RARB: variants seen among roughly 807,000 people sequenced by gnomAD.
RARB encodes retinoic acid receptor beta.
RARB carries 17 observed loss-of-function variants against 51.9 expected under a neutral mutation model. The ratio of observed to expected loss-of-function variants is 0.33; its 90% CI spans 0.22 to 0.49. The LOEUF is 0.49. Among genes scored for constraint, RARB ranks in the 20% least tolerant of loss-of-function variants. The pLI is 0.99. For synonymous variants in RARB, 215 were observed against 195.4 expected (o/e 1.10, Z -0.84); for missense variants, 369 against 550.8 (o/e 0.67, Z 3.30).
chr3:25,486,261 G>A (rs752889507), intron 2 of RARB, among the ~76,000 whole-genome samples: 50 of 152,180 alleles, frequency 3.3e-4, no homozygotes, highest in Non-Finnish European at 5.1e-4. Context: ...AAGACACGTG[G>A]AAATCTCAAA....
At chr3:24,939,293 CTGTT>C (rs1272792150) in intron 2 of RARB, among the ~76,000 whole-genome samples, 2 of 152,202 alleles carry the variant, frequency 1.3e-5, no homozygotes, top group African/African-American at 2.4e-5. Context: ...TGTACAGTGA[CTGTT>C]TGAGTCCCTC....
intron 5 of RARB, among the ~76,000 whole-genome samples, chr3:25,283,044 C>T (rs1266412603): frequency 6.6e-6 from 1 of 152,148 alleles, no homozygotes; most frequent in East Asian, 1.9e-4. Flanking sequence ...GAGCAACTGG[C>T]CACGCAGAGT....
chr3:24,859,255 G>A (rs1702695554), intron 2 of RARB, among the ~76,000 whole-genome samples: 1 of 151,966 alleles, frequency 6.6e-6, no homozygotes, highest in African/African-American at 2.4e-5. Flanking sequence ...CTTGAAACAA[G>A]GTGGTTCTGG....
At chr3:25,411,795 C>A (rs1213217723) in intron 5 of RARB, among the ~76,000 whole-genome samples, 1 of 152,182 alleles carries the variant, frequency 6.6e-6, no homozygotes, top group Non-Finnish European at 1.5e-5. Context: ...GACAGTGACC[C>A]TTGGACGTCC....
At chr3:25,429,875 T>G (rs1052879922) in intron 1 of RARB, among the ~76,000 whole-genome samples, 1 of 152,224 alleles carries the variant, frequency 6.6e-6, no homozygotes, top group African/African-American at 2.4e-5. Flanking sequence ...AAAATGTTTT[T>G]AGTACTTTAT....
At chr3:25,471,330 G>A (rs1340391280) in intron 2 of RARB, among the ~76,000 whole-genome samples, 1 of 152,208 alleles carries the variant, frequency 6.6e-6, no homozygotes, top group African/African-American at 2.4e-5. Context: ...AGTACTGAGG[G>A]CTGTTAGTGC....
intron 2 of RARB, among the ~76,000 whole-genome samples, chr3:24,947,339 G>C (rs1322424328): frequency 6.6e-6 from 1 of 152,186 alleles, no homozygotes; most frequent in Non-Finnish European, 1.5e-5. Context: ...GTTAATTTGT[G>C]TTACAGATGC....
intron 2 of RARB, among the ~76,000 whole-genome samples, chr3:24,944,679 A>C (rs1194359807): frequency 6.6e-6 from 1 of 152,160 alleles, no homozygotes. Flanking sequence ...TATATTCTTG[A>C]GGACTGGTGA....
At chr3:25,075,040 C>A (rs1222915112) in intron 3 of RARB, among the ~76,000 whole-genome samples, 1 of 152,146 alleles carries the variant, frequency 6.6e-6, no homozygotes, top group African/African-American at 2.4e-5. Flanking sequence ...TGTTGACTCC[C>A]TCTCTTTATT....
intron 3 of RARB, 142 bp downstream of exon 3, chr3:25,501,465 GGATT>G: frequency 9.9e-7 from 1 of 1,013,750 alleles, no homozygotes; most frequent in Non-Finnish European, 1.4e-6. Flanking sequence ...ATGAAAATGG[GGATT>G]GATATGGAGA....
At chr3:25,502,137 G>C (rs1697347541) in intron 3 of RARB, among the ~76,000 whole-genome samples, 1 of 152,216 alleles carries the variant, frequency 6.6e-6, no homozygotes. Context: ...CCATCATGGG[G>C]GGATTTTGGT....
intron 5 of RARB, among the ~76,000 whole-genome samples, chr3:25,288,948 C>T (rs1009398609): frequency 2.6e-5 from 4 of 152,194 alleles, no homozygotes; most frequent in African/African-American, 9.7e-5. Context: ...AGCCCTCATA[C>T]TTCACCTATA....
intron 5 of RARB, among the ~76,000 whole-genome samples, chr3:25,322,685 T>A (rs11917967): frequency 6.6e-6 from 1 of 152,070 alleles, no homozygotes; most frequent in Non-Finnish European, 1.5e-5. Flanking sequence ...TCTGTTGATA[T>A]TGTGTTTAAC....
intron 5 of RARB, among the ~76,000 whole-genome samples, chr3:25,368,042 T>C (rs1027952459): frequency 1.3e-5 from 2 of 152,166 alleles, no homozygotes; most frequent in African/African-American, 4.8e-5. Flanking sequence ...CAAACAAAAA[T>C]TTCAAGCTAA....
intron 5 of RARB, among the ~76,000 whole-genome samples, chr3:25,268,350 G>A (rs924778603): frequency 2.0e-5 from 3 of 150,292 alleles, no homozygotes; most frequent in African/African-American, 7.4e-5. Context: ...AATCTATTTT[G>A]TGTTCATGGC....
intron 3 of RARB, among the ~76,000 whole-genome samples, chr3:25,553,844 A>C (rs1699941727): frequency 6.6e-6 from 1 of 151,940 alleles, no homozygotes; most frequent in South Asian, 2.1e-4. Context: ...CAAGATCTTT[A>C]CTCATGCTTT....
chr3:25,534,584 G>GC (rs774813601), intron 3 of RARB, among the ~76,000 whole-genome samples: 14 of 152,024 alleles, frequency 9.2e-5, no homozygotes, highest in Admixed American at 3.3e-4. Flanking sequence ...GCTTTCCTGG[G>GC]CCCCCCGGCA....
intron 5 of RARB, among the ~76,000 whole-genome samples, chr3:25,391,537 C>T (rs1197326165): frequency 6.6e-6 from 1 of 152,048 alleles, no homozygotes; most frequent in Non-Finnish European, 1.5e-5. Context: ...TCCCTTTTTG[C>T]CACATCCATA....
chr3:25,042,490 T>C (rs149702289), intron 2 of RARB, among the ~76,000 whole-genome samples: 11 of 152,346 alleles, frequency 7.2e-5, no homozygotes, highest in African/African-American at 2.6e-4. Context: ...CATGACTTTC[T>C]CTTCAGCCAT....
Sources: gnomAD v4.1 joint callset for allele counts (sites outside exome capture counted in the v4.1 genomes callset) on GRCh38, gnomAD v4.1.1 for gene constraint, MANE v1.5 for transcripts, NCBI Gene and HGNC (gene_info 2026-07-23, HGNC 2026-07-21) for gene names.